Variants in AOPEP observed in about 807,000 individuals in gnomAD.
The protein encoded by AOPEP is aminopeptidase O (putative), also known as aminopeptidase O.
Under a neutral mutation model 98.1 loss-of-function variants are expected in AOPEP, and 77 were observed. The ratio of observed to expected loss-of-function variants is 0.78; its 90% CI spans 0.65 to 0.95. AOPEP has a LOEUF of 0.95. Ranked by LOEUF, AOPEP falls within the 40% of genes least tolerant of loss-of-function variation. AOPEP has a pLI of 0.00. For missense variants in AOPEP, 1,024 were observed against 1,024.7 expected (o/e 1.00, Z 0.01); for synonymous variants, 346 against 365.3 (o/e 0.95, Z 0.60).
chr9:94,741,081 G>A (rs1308948104), intron 1 of AOPEP, among the ~76,000 whole-genome samples: 2 of 152,012 alleles, frequency 1.3e-5, no homozygotes, highest in Non-Finnish European at 2.9e-5. Context: ...TTGGGTTGGG[G>A]TGGATGTGGG....
In AOPEP at chr9:94,930,864, G is replaced by A. The variant is rs1239007842; in HGVS notation, c.1661+2333G>A. On this transcript the variant is annotated intron_variant, in intron 7 of 16. Transcript: ENST00000375315. The surrounding 1 kb of genome is among the most constrained non-coding windows in gnomAD (Gnocchi z 4.5). The stretch of plus-strand genomic sequence containing the variant: ...GTGTTGGCCCAGGAAGCGAGACTGG[G>A]AAGGTAGCAGAGGGACATGAGGGCC... 3.3e-5 allele frequency among the ~76,000 whole-genome samples: 5 copies of A among 152,152 alleles called. No homozygotes were observed. The highest frequency in any genetic ancestry group is 1.2e-4 in the African/African-American group (5 of 41,426).
At chr9:94,749,337 A>G (rs1186783171) in intron 1 of AOPEP, among the ~76,000 whole-genome samples, 3 of 152,066 alleles carry the variant, frequency 2.0e-5, no homozygotes, top group African/African-American at 7.2e-5. Flanking sequence ...GGTCCATGTG[A>G]TGCTTCAGAT....
At chr9:94,771,661 C>A (rs1468754184) in intron 2 of AOPEP, among the ~76,000 whole-genome samples, 1 of 152,072 alleles carries the variant, frequency 6.6e-6, no homozygotes, top group Non-Finnish European at 1.5e-5. Flanking sequence ...TACGTTACTT[C>A]TGTAACGTAT....
chr9:94,839,578 A>G (rs1416534926), intron 5 of AOPEP, among the ~76,000 whole-genome samples: 1 of 152,140 alleles, frequency 6.6e-6, no homozygotes. Context: ...GTATATAGAA[A>G]TATGATTCAT....
the AOPEP span, among the ~76,000 whole-genome samples, chr9:95,138,250 G>A: frequency 2.0e-5 from 3 of 152,254 alleles, no homozygotes; most frequent in Non-Finnish European, 4.4e-5. Context: ...CGTTGGCTCT[G>A]AGGAGGGGTG....
the AOPEP span, among the ~76,000 whole-genome samples, chr9:95,148,214 A>G: frequency 6.6e-6 from 1 of 152,250 alleles, no homozygotes; most frequent in Non-Finnish European, 1.5e-5. Flanking sequence ...TTTAAAAAAG[A>G]ATTCTGTACG....
At chr9:94,792,982 C>A in intron 4 of AOPEP, 64 bp downstream of exon 4, 1 of 1,492,130 alleles carries the variant, frequency 6.7e-7, no homozygotes, top group Non-Finnish European at 9.1e-7. Context: ...CGGTATGATG[C>A]ATTTCTTCCA....
intron 13 of AOPEP, among the ~76,000 whole-genome samples, chr9:95,028,374 C>T (rs1182061156): frequency 2.6e-5 from 4 of 152,282 alleles, no homozygotes; most frequent in Admixed American, 6.5e-5. Context: ...GGAGTCCAGG[C>T]GCACTATGCC....
intron 3 of AOPEP, among the ~76,000 whole-genome samples, chr9:94,775,911 G>C (rs191990959): frequency 6.6e-6 from 1 of 151,926 alleles, no homozygotes; most frequent in African/African-American, 2.4e-5. Flanking sequence ...GTGTGAATCC[G>C]GGGCTTGCAG....
intron 1 of AOPEP, among the ~76,000 whole-genome samples, chr9:94,741,334 G>T (rs1833029587): frequency 2.0e-5 from 3 of 151,642 alleles, no homozygotes; most frequent in Admixed American, 1.3e-4. Context: ...GTGCAGTGGT[G>T]CGATCTCGGC....
chr9:95,138,366 C>A, the AOPEP span, among the ~76,000 whole-genome samples: 2 of 152,174 alleles, frequency 1.3e-5, no homozygotes, highest in Non-Finnish European at 2.9e-5. Context: ...GCTTTTCCAT[C>A]CAGGTGGTCA....
intron 13 of AOPEP, among the ~76,000 whole-genome samples, chr9:95,009,284 A>G (rs186739154): frequency 0.024 from 641 of 27,074 alleles, 3 homozygotes; most frequent in Non-Finnish European, 0.038. Flanking sequence ...ATGTTTTTAT[A>G]AATATATACA....
intron 5 of AOPEP, among the ~76,000 whole-genome samples, chr9:94,855,179 G>A (rs1346589970): frequency 2.6e-5 from 4 of 152,052 alleles, no homozygotes; most frequent in Admixed American, 6.5e-5. Flanking sequence ...CCAGATTCAA[G>A]CGATTCTCCT....
rs555214105 is a variant in AOPEP, at chr9:95,002,071, G to C, written c.1978-3087G>C. On this transcript the variant is annotated intron_variant, in intron 11 of 16. Transcript: ENST00000375315. ...GGGGATTACAGGTGTGAGCCACCGT[G>C]CACAGCCTGTTTATAAAGTTACCCT... 2.0e-5 allele frequency among the ~76,000 whole-genome samples: 3 copies of C among 152,082 alleles called. No individual in the cohort carries two copies. In the East Asian group the frequency reaches 5.8e-4, roughly 29 times the overall value.
chr9:95,089,361 C>A (rs141034782), downstream of AOPEP, among the ~76,000 whole-genome samples: 144 of 152,360 alleles, frequency 9.5e-4, no homozygotes, highest in African/African-American at 3.3e-3. Flanking sequence ...ATAGCACCTT[C>A]GGAGAGCAGG....
At position 94,769,746 on chromosome 9, in the gene AOPEP, G is replaced by A. The variant is rs142985711; in HGVS notation, c.798-3256G>A. On this transcript the variant is annotated intron_variant, in intron 2 of 16. Coordinates refer to ENST00000375315, the MANE Select transcript of AOPEP (RefSeq NM_001193329.3). Reference sequence around the variant, plus strand: ...TGTAAGCACACTGGGGAGGGTGGAGGTGAGAGCTTGCTGGGGGCCTGGCCA... The same window carrying A: ...TGTAAGCACACTGGGGAGGGTGGAGATGAGAGCTTGCTGGGGGCCTGGCCA... Among the ~76,000 whole-genome samples, 611 of 152,306 alleles carry A rather than the reference G, an allele frequency of 4.0e-3. 3 individuals are homozygous for A. Among genetic ancestry groups the A allele is most frequent in the Admixed American group, 0.015 (224 of 15,300 alleles).
intron 5 of AOPEP, among the ~76,000 whole-genome samples, chr9:94,828,053 G>A (rs549961095): frequency 1.3e-5 from 2 of 152,322 alleles, no homozygotes; most frequent in South Asian, 2.1e-4. Flanking sequence ...GGCAGAAGGC[G>A]AGGGAAGCAG....
At chr9:94,998,125 G>GTC (rs2061350929) in intron 11 of AOPEP, among the ~76,000 whole-genome samples, 1 of 151,808 alleles carries the variant, frequency 6.6e-6, no homozygotes, top group Non-Finnish European at 1.5e-5. Flanking sequence ...GACTTTTATG[G>GTC]TATGGAATTA....
chr9:94,753,459 T>G (rs1836284157), intron 1 of AOPEP, among the ~76,000 whole-genome samples: 1 of 152,152 alleles, frequency 6.6e-6, no homozygotes, highest in South Asian at 2.1e-4. Flanking sequence ...GAGATTGACT[T>G]TAGGCATATT....
Sources: gnomAD v4.1 joint callset for allele counts (sites outside exome capture counted in the v4.1 genomes callset) on GRCh38, gnomAD v4.1.1 for gene constraint, Gnocchi (gnomAD v3.1) non-coding constraint, MANE v1.5 for transcripts, NCBI Gene and HGNC (gene_info 2026-07-23, HGNC 2026-07-21) for gene names.